PDE4B: variants seen among roughly 807,000 people sequenced by gnomAD.
PDE4B encodes 3',5'-cyclic-AMP phosphodiesterase 4B.
PDE4B carries 20 observed loss-of-function variants against 82.2 expected under a neutral mutation model. That is an observed-to-expected ratio of 0.24 (90% CI 0.17 to 0.35). PDE4B has a LOEUF of 0.35. PDE4B is among the 10% of genes least tolerant of loss of function. PDE4B has a pLI of 1.00. For missense variants in PDE4B, 655 were observed against 907.2 expected, an observed-to-expected ratio of 0.72 and a Z score of 3.57; for synonymous variants, 320 against 318.9, an observed-to-expected ratio of 1.00 and a Z score of -0.04.
rs926478622 is a variant in PDE4B, at chr1:65,909,966, T to C, written c.-70-3279T>C. ...TTCACCTAGTTTCACCTTGAAAAGA[T>C]GTAAATAAGACCCAATCAGTGGTAC... On this transcript the variant is annotated intron_variant, in intron 1 of 16. Transcript: ENST00000341517. Among the ~76,000 whole-genome samples the C allele has an allele frequency of 8.5e-5, 13 of 152,304 alleles. 1 individual carries two copies. The highest frequency in any genetic ancestry group is 3.4e-3 in the Middle Eastern group (1 of 294).
chr1:66,368,275 T>G (rs1663397706), intron 15 of PDE4B: 1 of 507,618 alleles, frequency 2.0e-6, no homozygotes, highest in South Asian at 3.0e-5. Flanking sequence ...TTTGTGGAAC[T>G]GCTTATTAGT....
At chr1:66,195,725 A>T (rs957638841) in intron 3 of PDE4B, among the ~76,000 whole-genome samples, 1 of 152,152 alleles carries the variant, frequency 6.6e-6, no homozygotes, top group African/African-American at 2.4e-5. Flanking sequence ...TAACTTCATT[A>T]CCTCCTACAC....
chr1:66,337,201 G>A (rs989433694), intron 8 of PDE4B, among the ~76,000 whole-genome samples: 50 of 152,186 alleles, frequency 3.3e-4, no homozygotes, highest in African/African-American at 1.2e-3. Flanking sequence ...GCCGCCCTTA[G>A]CATAAGATGC....
At chr1:66,354,448 A>C (rs1662073183) in intron 8 of PDE4B, 1 of 991,328 alleles carries the variant, frequency 1.0e-6, no homozygotes, top group African/African-American at 1.7e-5. Context: ...AGGAAAGAAG[A>C]ATTTCTTCTT....
chr1:65,979,498 A>G (rs746234121), intron 3 of PDE4B, among the ~76,000 whole-genome samples: 1 of 152,184 alleles, frequency 6.6e-6, no homozygotes, highest in African/African-American at 2.4e-5. Flanking sequence ...CTGCTTATGG[A>G]AGGTCAGGCG....
At chr1:65,924,744 C>A (rs1647407877) in intron 3 of PDE4B, among the ~76,000 whole-genome samples, 1 of 152,186 alleles carries the variant, frequency 6.6e-6, no homozygotes, top group Admixed American at 6.5e-5. Flanking sequence ...TGGTTGTTGA[C>A]AGGCTCAATT....
chr1:65,881,394 T>G (rs934305737), intron 1 of PDE4B, among the ~76,000 whole-genome samples: 2 of 152,138 alleles, frequency 1.3e-5, no homozygotes, highest in African/African-American at 4.8e-5. Flanking sequence ...TTGTGACTGT[T>G]GTTGAGACTG....
chr1:66,161,486 C>T (rs941554471), intron 3 of PDE4B, among the ~76,000 whole-genome samples: 1 of 152,036 alleles, frequency 6.6e-6, no homozygotes, highest in African/African-American at 2.4e-5. Context: ...TTAAGAGCGT[C>T]TTTTTCCACA....
At chr1:65,989,892 C>CT (rs1375454309) in intron 3 of PDE4B, among the ~76,000 whole-genome samples, 134 of 16,374 alleles carry the variant, frequency 8.2e-3, no homozygotes, top group Middle Eastern at 0.031. Flanking sequence ...CAAAGTGTCT[C>CT]ATTTTTTTTT....
chr1:66,110,883 A>G (rs553691945), intron 3 of PDE4B, among the ~76,000 whole-genome samples: 1 of 152,118 alleles, frequency 6.6e-6, no homozygotes, highest in African/African-American at 2.4e-5. Flanking sequence ...GGCCTATCTT[A>G]TTAGGAATTG....
chr1:66,130,633 G>A (rs958546024), intron 3 of PDE4B, among the ~76,000 whole-genome samples: 3 of 152,160 alleles, frequency 2.0e-5, no homozygotes, highest in African/African-American at 7.2e-5. Flanking sequence ...CAGAATCATG[G>A]TCCTTCCTGG....
chr1:66,363,083 CA>C (rs1174512364), intron 10 of PDE4B, 84 bp from the exon 11 acceptor site: 1 of 878,428 alleles, frequency 1.1e-6, no homozygotes, highest in Non-Finnish European at 1.8e-6. Context: ...CTTAAACAGC[CA>C]ATGTCCAAAA....
intron 1 of PDE4B, among the ~76,000 whole-genome samples, chr1:65,907,469 A>G (rs898103723): frequency 6.6e-6 from 1 of 152,126 alleles, no homozygotes; most frequent in African/African-American, 2.4e-5. Flanking sequence ...AGCTAAGTGG[A>G]TAACTAGAGC....
intron 3 of PDE4B, among the ~76,000 whole-genome samples, chr1:66,118,155 GTTGT>G (rs1487107009): frequency 3.3e-5 from 5 of 152,098 alleles, no homozygotes; most frequent in Non-Finnish European, 5.9e-5. Flanking sequence ...TGTTGATGGG[GTTGT>G]TTGTTTTTTT....
intron 3 of PDE4B, among the ~76,000 whole-genome samples, chr1:66,152,686 A>G (rs1646427381): frequency 6.6e-6 from 1 of 151,238 alleles, no homozygotes; most frequent in African/African-American, 2.4e-5. Context: ...GTTTATTGTA[A>G]GGAACCAGCT....
chr1:66,158,633 G>A (rs530838284), intron 3 of PDE4B, among the ~76,000 whole-genome samples: 2 of 152,274 alleles, frequency 1.3e-5, no homozygotes, highest in South Asian at 4.1e-4. Context: ...AAGAGATATT[G>A]TCACTCCCAT....
intron 9 of PDE4B, among the ~76,000 whole-genome samples, chr1:66,361,231 CT>C (rs1662740817): frequency 6.6e-6 from 1 of 152,006 alleles, no homozygotes; most frequent in African/African-American, 2.4e-5. Context: ...ATTTAAAAAT[CT>C]ACATATAAGT....
intron 3 of PDE4B, among the ~76,000 whole-genome samples, chr1:66,191,573 A>T (rs1183320986): frequency 6.6e-6 from 1 of 152,198 alleles, no homozygotes; most frequent in Non-Finnish European, 1.5e-5. Flanking sequence ...GTTATCAATA[A>T]TGACCCTACT....
chr1:65,833,873 G>A (rs374040189), intron 1 of PDE4B, among the ~76,000 whole-genome samples: 3 of 152,158 alleles, frequency 2.0e-5, no homozygotes, highest in Non-Finnish European at 4.4e-5. Context: ...TCAAAAACTA[G>A]GTAATGACAC....
Sources: gnomAD v4.1 joint callset for allele counts (sites outside exome capture counted in the v4.1 genomes callset) on GRCh38, gnomAD v4.1.1 for gene constraint, MANE v1.5 for transcripts, NCBI Gene and HGNC (gene_info 2026-07-23, HGNC 2026-07-21) for gene names.